Variants in NTRK2 observed in about 807,000 individuals in gnomAD.
The protein encoded by NTRK2 is BDNF/NT-3 growth factors receptor.
Under a neutral mutation model 94.5 loss-of-function variants are expected in NTRK2, and 13 were observed. That is an observed-to-expected ratio of 0.14 (90% confidence interval 0.09 to 0.22). The LOEUF is 0.22. Among genes scored for constraint, NTRK2 ranks in the 10% least tolerant of loss-of-function variants. The pLI, the probability that NTRK2 is intolerant of heterozygous loss-of-function variation, is 1.00. For synonymous variants in NTRK2, 372 were observed against 407.4 expected, an observed-to-expected ratio of 0.91 and a Z score of 1.05; for missense variants, 639 against 1,071.2, an observed-to-expected ratio of 0.60 and a Z score of 5.63.
At chr9:84,810,609 G>T in intron 12 of NTRK2, 2 of 1,613,908 alleles carry the variant, frequency 1.2e-6, no homozygotes, top group Non-Finnish European at 1.7e-6. Context: ...AGAGAAAGGG[G>T]CTGTGGTGCT....
At chr9:84,744,905 G>A in intron 10 of NTRK2, 68 bp from the exon 11 acceptor site, 2 of 1,034,946 alleles carry the variant, frequency 1.9e-6, no homozygotes, top group Non-Finnish European at 3.1e-6. Flanking sequence ...TCTTACTGTG[G>A]CCCTGTGTTT....
chr9:85,002,885 G>A (rs934960981), intron 17 of NTRK2, among the ~76,000 whole-genome samples: 4 of 152,110 alleles, frequency 2.6e-5, no homozygotes, highest in Admixed American at 1.3e-4. Flanking sequence ...GGGGTGGATA[G>A]GGTTGTCTAC....
At chr9:84,820,193 A>G (rs2072704371) in intron 12 of NTRK2, among the ~76,000 whole-genome samples, 1 of 136,354 alleles carries the variant, frequency 7.3e-6, no homozygotes, top group African/African-American at 2.8e-5. Context: ...TTTTGGTGAC[A>G]GCGTCTTGCT....
At chr9:85,014,475 G>C (rs1272201841) in intron 17 of NTRK2, among the ~76,000 whole-genome samples, 2 of 152,146 alleles carry the variant, frequency 1.3e-5, no homozygotes, top group Admixed American at 6.6e-5. Flanking sequence ...ATACCATTTG[G>C]TCGCCAATTC....
At chr9:84,742,792 T>TG (rs2063754119) in intron 10 of NTRK2, among the ~76,000 whole-genome samples, 2 of 18,834 alleles carry the variant, frequency 1.1e-4, no homozygotes, top group Non-Finnish European at 1.4e-4. Context: ...TATATTAGTT[T>TG]TTTTTTTTTT....
chr9:84,852,662 G>T (rs1281171387), intron 12 of NTRK2, among the ~76,000 whole-genome samples: 1 of 152,182 alleles, frequency 6.6e-6, no homozygotes, highest in Non-Finnish European at 1.5e-5. Context: ...AAAAAACTCA[G>T]TGTTGTATGT....
chr9:84,928,055 G>T (rs965835359), intron 14 of NTRK2, among the ~76,000 whole-genome samples: 1 of 152,112 alleles, frequency 6.6e-6, no homozygotes. Context: ...GTCTTGTTAC[G>T]TGCTCTATTT....
In NTRK2 at chr9:84,670,318, C is replaced by T. The variant is rs145431001; in HGVS notation, c.-372-59C>T. On this transcript the variant is annotated intron_variant, in intron 1 of 18. Coordinates refer to ENST00000277120, the MANE Select transcript of NTRK2 (RefSeq NM_006180.6). ...TGACGCGAGCAGAGAGGGAGAGTGC[C>T]CCAATTAGTGGTGTTGGGGGTCCTA... 1.7e-5 allele frequency: 5 copies of T among 289,738 alleles called. No homozygotes were observed. The Admixed American group carries it at 1.9e-4, about 11-fold the overall frequency. The allele number at this position is 289,738 out of a possible 1,614,324, so 17.9% of individuals were successfully genotyped here.
At chr9:84,744,850 G>T in intron 10 of NTRK2, 123 bp from the exon 11 acceptor site, 1 of 805,344 alleles carries the variant, frequency 1.2e-6, no homozygotes, top group South Asian at 1.3e-5. Flanking sequence ...CAGCCAGACT[G>T]TCGGGGGTTT....
intron 17 of NTRK2, among the ~76,000 whole-genome samples, chr9:84,965,986 G>A (rs1185233110): frequency 1.3e-5 from 2 of 152,162 alleles, no homozygotes; most frequent in African/African-American, 4.8e-5. Flanking sequence ...AAAAACACCA[G>A]GGTTTCTCTT....
chr9:84,693,975 G>A (rs2060208106), intron 2 of NTRK2, among the ~76,000 whole-genome samples: 1 of 152,160 alleles, frequency 6.6e-6, no homozygotes, highest in African/African-American at 2.4e-5. Flanking sequence ...TATAATACAG[G>A]ACATCATCCT....
rs1194683915 is a variant in NTRK2, at chr9:85,022,766, A to G, written c.*1329A>G. On this transcript the variant is annotated 3_prime_UTR_variant, in exon 19 of 19. Transcript: ENST00000277120. The stretch of plus-strand genomic sequence containing the variant: ...AGCTAATGGAGTTTATTAGCTGAGT[A>G]TCAATGTCTCTGCGTTGTACGGTGG... 1 of 233,120 alleles carries G rather than the reference A, an allele frequency of 4.3e-6. No homozygotes were observed. Among genetic ancestry groups the G allele is most frequent in the Non-Finnish European group, 8.5e-6 (1 of 118,050 alleles). 14.4% of individuals were successfully genotyped at this position (233,120 alleles called of 1,614,324 possible). A position where few individuals can be genotyped will look rare whatever the true frequency, so the allele number is the denominator to read the frequency against.
chr9:84,718,032 T>TTCCTCTTCTTCC (rs986062890), intron 6 of NTRK2, among the ~76,000 whole-genome samples: 3 of 134,284 alleles, frequency 2.2e-5, no homozygotes, highest in African/African-American at 8.7e-5. Context: ...CCTCTTCCCC[T>TTCCTCTTCTTCC]TCCTCTTCTT....
intron 12 of NTRK2, among the ~76,000 whole-genome samples, chr9:84,832,061 G>T (rs1359198386): frequency 2.0e-5 from 3 of 152,182 alleles, no homozygotes; most frequent in Non-Finnish European, 4.4e-5. Context: ...ATACGAAGAG[G>T]TGTTAGGGTT....
In NTRK2 at chr9:85,027,025, A is replaced by T. The variant is rs933367157; in HGVS notation, c.*5588A>T. 3 of 231,390 alleles carry T rather than the reference A, an allele frequency of 1.3e-5. No individual in the cohort carries two copies. Among genetic ancestry groups the T allele is most frequent in the Non-Finnish European group, 2.6e-5 (3 of 117,012 alleles). 14.3% of individuals were successfully genotyped at this position (231,390 alleles called of 1,614,324 possible). ...TACTACAGTGTATTTAATAAAAATG[A>T]TGTCTTACAATAAATAACATACTCC... is the stretch of plus-strand genomic sequence containing the variant. On this transcript the variant is annotated 3_prime_UTR_variant, in exon 19 of 19. Transcript: ENST00000277120.
chr9:84,694,689 C>T (rs1274919768), intron 2 of NTRK2, among the ~76,000 whole-genome samples: 2 of 152,042 alleles, frequency 1.3e-5, no homozygotes, highest in Non-Finnish European at 2.9e-5. Context: ...ATGAAAGAAA[C>T]CTTAGAGCAG....
chr9:84,922,915 T>G (rs565637443), intron 14 of NTRK2, among the ~76,000 whole-genome samples: 40 of 152,294 alleles, frequency 2.6e-4, no homozygotes, highest in African/African-American at 9.6e-4. Context: ...CACTACCTTT[T>G]AAAATAAGAG....
intron 14 of NTRK2, among the ~76,000 whole-genome samples, chr9:84,889,477 A>AT (rs1459490561): frequency 6.6e-6 from 1 of 152,122 alleles, no homozygotes; most frequent in African/African-American, 2.4e-5. Context: ...CAATGGTGCA[A>AT]TCTCAGCTCT....
At chr9:84,674,768 T>G (rs909261668) in intron 2 of NTRK2, among the ~76,000 whole-genome samples, 5 of 152,336 alleles carry the variant, frequency 3.3e-5, no homozygotes, top group Middle Eastern at 3.4e-3. Flanking sequence ...TTGGCACAAC[T>G]GTGTGGAGTC....
Sources: allele counts gnomAD v4.1 joint callset (sites outside exome capture counted in the v4.1 genomes callset), GRCh38; gene constraint gnomAD v4.1.1; transcripts MANE v1.5; gene names NCBI Gene and HGNC (gene_info 2026-07-23, HGNC 2026-07-21).